EPB41L4B: variants seen among roughly 807,000 people sequenced by gnomAD.
EPB41L4B encodes the protein erythrocyte membrane protein band 4.1 like 4B.
EPB41L4B carries 30 observed loss-of-function variants against 112.5 expected under a neutral mutation model. The observed-to-expected ratio is 0.27, with a 90% CI of 0.20 to 0.36. EPB41L4B has a LOEUF of 0.36. Among genes scored for constraint, EPB41L4B ranks in the 10% least tolerant of loss-of-function variants. EPB41L4B has a pLI of 1.00. For synonymous variants in EPB41L4B, 408 were observed against 439.7 expected (o/e 0.93, Z 0.90); for missense variants, 1,024 against 1,133.3 (o/e 0.90, Z 1.38).
At chr9:109,301,703 A>C (rs1400407121) in intron 1 of EPB41L4B, among the ~76,000 whole-genome samples, 1 of 152,230 alleles carries the variant, frequency 6.6e-6, no homozygotes, top group Admixed American at 6.5e-5. Flanking sequence ...TCTCATGTAG[A>C]CACATCTACA....
intron 1 of EPB41L4B, among the ~76,000 whole-genome samples, chr9:109,281,555 T>C (rs183546589): frequency 1.8e-3 from 281 of 152,054 alleles, no homozygotes; most frequent in Admixed American, 5.8e-3. Context: ...ATACAAAAAT[T>C]AGCAGGGTAT....
chr9:109,234,794 G>C (rs1422654771), intron 15 of EPB41L4B, among the ~76,000 whole-genome samples: 1 of 152,186 alleles, frequency 6.6e-6, no homozygotes, highest in Non-Finnish European at 1.5e-5. Flanking sequence ...GGAGGTGGAG[G>C]CTGCAGTGGG....
At chr9:109,245,610 G>A (rs1211345307) in intron 14 of EPB41L4B, among the ~76,000 whole-genome samples, 1 of 152,136 alleles carries the variant, frequency 6.6e-6, no homozygotes, top group African/African-American at 2.4e-5. Context: ...CTCCCCAAAT[G>A]CCAACAGCGT....
chr9:109,175,105 C>T (rs894344804), intron 25 of EPB41L4B, among the ~76,000 whole-genome samples: 2 of 151,500 alleles, frequency 1.3e-5, no homozygotes, highest in Admixed American at 6.6e-5. Context: ...TTAGTAGAGA[C>T]GGGGTTTCAC....
At position 109,320,288 on chromosome 9, in the gene EPB41L4B, C is replaced by A. The variant is rs1394391774; in HGVS notation, c.159G>T (p.Ala53=). 2 of 1,115,916 alleles carry A rather than the reference C, an allele frequency of 1.8e-6. No homozygotes were observed. Among genetic ancestry groups the A allele is most frequent in the African/African-American group, 1.7e-5 (1 of 59,648 alleles). 69.1% of individuals were successfully genotyped at this position (1,115,916 alleles called of 1,614,324 possible). A position where few individuals can be genotyped will look rare whatever the true frequency, so the allele number is the denominator to read the frequency against. ...CCGCCGGGAACACGCTGCCCCCGGG[C>A]GCGGCGGGCAGCGCCGAGGAGGAGG... ...AAASSSALPA[A]PGGSVFPAGG... The change falls in exon 1 of 26, where the codon GCG becomes GCT. Residue 53 remains alanine, a synonymous_variant. Transcript: ENST00000374566.
chr9:109,228,880 C>T (rs760623941), intron 15 of EPB41L4B, among the ~76,000 whole-genome samples: 1 of 152,174 alleles, frequency 6.6e-6, no homozygotes, highest in Non-Finnish European at 1.5e-5. Context: ...TAAAGCCTTT[C>T]TCTTTCGGAT....
Position 109,225,036 on chromosome 9 carries a change from A to G in EPB41L4B, c.1410-7891T>C, listed in dbSNP as rs184947667. On this transcript the variant is annotated intron_variant, in intron 15 of 25. Transcript: ENST00000374566. ...CAAGTGCACTCATCAGGAAAATCCA[A>G]GTCCTCCTCAGAACCCCCTGGCTAA... 1.5e-3 allele frequency among the ~76,000 whole-genome samples: 222 copies of G among 152,306 alleles called. 2 individuals are homozygous for G. The highest frequency in any genetic ancestry group is 5.1e-3 in the African/African-American group (210 of 41,570).
At position 109,182,772 on chromosome 9, in the gene EPB41L4B, A is replaced by G. The variant is rs781366611; in HGVS notation, c.2444T>C (p.Met815Thr). ...RLIKTFPVDT[M>T]NPFPDTFTTG... ...GGTGAAAGTATCAGGAAACGGGTTCATTGTATCAACCGGGAATGTTTTTAT... is the reference window on the plus strand; with the variant it reads ...GGTGAAAGTATCAGGAAACGGGTTCGTTGTATCAACCGGGAATGTTTTTAT... The change falls in exon 24 of 26, where the codon ATG (methionine) becomes ACG (threonine). Residue 815 changes from methionine to threonine, a missense_variant. Transcript: ENST00000374566. The G allele has an allele frequency of 1.2e-6, 2 of 1,612,326 alleles. No individual in the cohort carries two copies. Among genetic ancestry groups the G allele is most frequent in the South Asian group, 2.2e-5 (2 of 91,056 alleles).
chr9:109,268,360 T>A (rs1252813754), intron 3 of EPB41L4B, 31 bp downstream of exon 3: 1 of 1,601,448 alleles, frequency 6.2e-7, no homozygotes, highest in Non-Finnish European at 8.5e-7. Flanking sequence ...AGAAAAAAAA[T>A]AAATGAGTGA....
chr9:109,234,906 G>T (rs1026869000), intron 15 of EPB41L4B, among the ~76,000 whole-genome samples: 1 of 152,162 alleles, frequency 6.6e-6, no homozygotes. Context: ...AAGCACAGTG[G>T]TTCCCTTTTG....
Position 109,268,277 on chromosome 9 carries a change from T to C in EPB41L4B, c.454+114A>G, listed in dbSNP as rs867138729. The C allele has an allele frequency of 7.4e-5, 71 of 961,250 alleles. 3 individuals are homozygous for C. In the Middle Eastern group the frequency reaches 5.9e-3, roughly 80 times the overall value. 59.5% of individuals were successfully genotyped at this position (961,250 alleles called of 1,614,324 possible). ...TAAAAATCATCCACTTAATACCGAA[T>C]TGATTTTTAAAATGCTTCCAAGTTC... is the stretch of plus-strand genomic sequence containing the variant. On this transcript the variant is annotated intron_variant, in intron 3 of 25. Coordinates refer to ENST00000374566, the MANE Select transcript of EPB41L4B (RefSeq NM_019114.5).
rs1336548397 is a variant in EPB41L4B at position 109,173,759 on chromosome 9, G to C, written c.*795C>G. ...ATAAAAATTTAAAAACACATTTCTT[G>C]AAACTATATAAAAAGAGCAAAATTT... is the stretch of plus-strand genomic sequence containing the variant. On this transcript the variant is annotated 3_prime_UTR_variant, in exon 26 of 26. Coordinates refer to ENST00000374566, the MANE Select transcript of EPB41L4B (RefSeq NM_019114.5). 3 of 152,536 alleles carry C rather than the reference G, an allele frequency of 2.0e-5. No homozygotes were observed. The highest frequency in any genetic ancestry group is 7.2e-5 in the African/African-American group (3 of 41,430). 9.4% of individuals were successfully genotyped at this position (152,536 alleles called of 1,614,324 possible).
At chr9:109,259,481 T>G (rs1835118664) in intron 6 of EPB41L4B, among the ~76,000 whole-genome samples, 1 of 152,182 alleles carries the variant, frequency 6.6e-6, no homozygotes, top group Non-Finnish European at 1.5e-5. Context: ...TCCCATCAAC[T>G]AACACTTCAC....
At chr9:109,264,470 T>C (rs1394436113) in intron 5 of EPB41L4B, among the ~76,000 whole-genome samples, 1 of 152,236 alleles carries the variant, frequency 6.6e-6, no homozygotes, top group Non-Finnish European at 1.5e-5. Context: ...CCAATGCTTC[T>C]TATACTCAAT....
At chr9:109,305,866 G>A (rs933971349) in intron 1 of EPB41L4B, among the ~76,000 whole-genome samples, 8 of 152,210 alleles carry the variant, frequency 5.3e-5, no homozygotes, top group African/African-American at 2.4e-5. Context: ...AGAGCTTGCA[G>A]TGAGTCGAGA....
At chr9:109,241,378 C>A (rs1834346859) in intron 15 of EPB41L4B, 4 of 1,152,768 alleles carry the variant, frequency 3.5e-6, no homozygotes, top group Non-Finnish European at 3.2e-6. Flanking sequence ...ACATCAGGAA[C>A]ATAGTAAAAT....
chr9:109,312,077 T>C (rs1407243835), intron 1 of EPB41L4B, among the ~76,000 whole-genome samples: 2 of 152,124 alleles, frequency 1.3e-5, no homozygotes, highest in Non-Finnish European at 2.9e-5. Context: ...AATTTAAGTA[T>C]TCTAGAATAC....
At chr9:109,193,813 C>T (rs770185324) in intron 21 of EPB41L4B, among the ~76,000 whole-genome samples, 9 of 152,160 alleles carry the variant, frequency 5.9e-5, no homozygotes, top group African/African-American at 1.4e-4. Flanking sequence ...CTACTAACAC[C>T]GGCTATATGA....
intron 1 of EPB41L4B, among the ~76,000 whole-genome samples, chr9:109,281,686 A>T (rs1836051375): frequency 1.8e-5 from 1 of 56,540 alleles, no homozygotes; most frequent in Non-Finnish European, 3.4e-5. Context: ...TCCGTCTCAT[A>T]AATAAATAAA....
Sources: allele counts gnomAD v4.1 joint callset (sites outside exome capture counted in the v4.1 genomes callset), GRCh38; gene constraint gnomAD v4.1.1; transcripts MANE v1.5; gene names NCBI Gene and HGNC (gene_info 2026-07-23, HGNC 2026-07-21).